UBE4B: variants seen among roughly 807,000 people sequenced by gnomAD.
UBE4B encodes the protein ubiquitin conjugation factor E4 B.
A neutral mutation model predicts 148.1 loss-of-function variants in UBE4B; 27 were observed. The ratio of observed to expected loss-of-function variants is 0.18; its 90% CI spans 0.13 to 0.25. The LOEUF is 0.25. Ranked by LOEUF, UBE4B falls within the 10% of genes least tolerant of loss-of-function variation. The probability of loss-of-function intolerance (pLI) is 1.00; values close to 1 mark genes in which losing one functional copy is unlikely to be tolerated. For missense variants in UBE4B, 1,170 were observed against 1,662.4 expected (o/e 0.70, Z 5.15); for synonymous variants, 596 against 619.3 (o/e 0.96, Z 0.56).
intron 2 of UBE4B, 195 bp downstream of exon 2, chr1:10,072,409 A>G (rs1474198007): frequency 1.4e-6 from 1 of 718,364 alleles, no homozygotes; most frequent in South Asian, 1.7e-5. Context: ...TGTTAAACCA[A>G]TTGCTTTTCT....
chr1:10,058,673 G>GT (rs142864591), intron 1 of UBE4B: 6,640 of 152,542 alleles, frequency 0.044, 208 homozygotes, highest in African/African-American at 0.086. Flanking sequence ...CCTGCAGGTG[G>GT]GCAAGGGTGC....
intron 2 of UBE4B, 163 bp downstream of exon 2, chr1:10,072,377 C>A: frequency 2.3e-6 from 2 of 851,306 alleles, no homozygotes; most frequent in Non-Finnish European, 3.6e-6. Flanking sequence ...GTTGTGTTAT[C>A]GCTTTTTTTT....
chr1:10,156,847 C>CA (rs763969303), intron 21 of UBE4B, among the ~76,000 whole-genome samples: 14 of 151,758 alleles, frequency 9.2e-5, no homozygotes, highest in South Asian at 2.1e-4. Flanking sequence ...TGGTCACACA[C>CA]AAAAAAATGT....
chr1:10,176,319 G>A (rs763236079), intron 25 of UBE4B, among the ~76,000 whole-genome samples: 1 of 152,162 alleles, frequency 6.6e-6, no homozygotes, highest in Non-Finnish European at 1.5e-5. Context: ...TTGTGTAAAA[G>A]TATTTAAACA....
chr1:10,059,358 T>A, intron 1 of UBE4B: 1 of 185,718 alleles, frequency 5.4e-6, no homozygotes. Context: ...TCTGTAAGAG[T>A]CTGAAGGACA....
At chr1:10,083,360 G>A (rs898418272) in intron 2 of UBE4B, among the ~76,000 whole-genome samples, 2 of 152,140 alleles carry the variant, frequency 1.3e-5, no homozygotes, top group Non-Finnish European at 2.9e-5. Flanking sequence ...GGCTAGAGCA[G>A]TCATCTTCAA....
chr1:10,102,470 G>C (rs1038259471), intron 4 of UBE4B, among the ~76,000 whole-genome samples: 7 of 129,360 alleles, frequency 5.4e-5, no homozygotes, highest in Admixed American at 2.0e-4. Flanking sequence ...GAGTGCAATG[G>C]CGTGATCTTG....
chr1:10,043,101 G>A (rs997243933), intron 1 of UBE4B, among the ~76,000 whole-genome samples: 2 of 151,090 alleles, frequency 1.3e-5, no homozygotes, highest in African/African-American at 2.4e-5. Context: ...CCTCCGCCTC[G>A]GGGGTTCAAG....
chr1:10,125,657 A>G (rs1645481183), intron 10 of UBE4B, among the ~76,000 whole-genome samples: 1 of 152,230 alleles, frequency 6.6e-6, no homozygotes. Flanking sequence ...CAACATTTCT[A>G]TTTAATGTTA....
chr1:10,112,036 A>G (rs1469843446), intron 7 of UBE4B, among the ~76,000 whole-genome samples: 3 of 152,210 alleles, frequency 2.0e-5, no homozygotes, highest in African/African-American at 7.2e-5. Context: ...ATTATAGAAG[A>G]AACTGAAACA....
intron 2 of UBE4B, among the ~76,000 whole-genome samples, chr1:10,080,457 G>A (rs1288106241): frequency 1.3e-5 from 2 of 151,766 alleles, no homozygotes; most frequent in African/African-American, 4.8e-5. Flanking sequence ...AAAATTCTAT[G>A]TTGGTGAGAG....
intron 24 of UBE4B, chr1:10,170,918 G>T: frequency 2.5e-6 from 1 of 399,546 alleles, no homozygotes. Context: ...TATTTCATCA[G>T]CCTGCAACAT....
chr1:10,044,401 T>C (rs1643874327), intron 1 of UBE4B, among the ~76,000 whole-genome samples: 1 of 152,046 alleles, frequency 6.6e-6, no homozygotes, highest in South Asian at 2.1e-4. Flanking sequence ...ATTAGGGCAG[T>C]GGTCCCCAAC....
chr1:10,148,380 C>G (rs1217628299), intron 19 of UBE4B, among the ~76,000 whole-genome samples: 1 of 152,068 alleles, frequency 6.6e-6, no homozygotes, highest in Non-Finnish European at 1.5e-5. Context: ...GTCTGTAATC[C>G]CAGTACTTTG....
At chr1:10,079,766 A>G (rs1157182917) in intron 2 of UBE4B, among the ~76,000 whole-genome samples, 1 of 152,196 alleles carries the variant, frequency 6.6e-6, no homozygotes, top group African/African-American at 2.4e-5. Flanking sequence ...GATCAGAAAC[A>G]GAATTTGTTT....
chr1:10,119,990 G>A (rs79153118), intron 9 of UBE4B, among the ~76,000 whole-genome samples: 270 of 143,020 alleles, frequency 1.9e-3, no homozygotes, highest in African/African-American at 6.3e-3. Context: ...GTATAACACG[G>A]TCAATTTCTG....
intron 2 of UBE4B, among the ~76,000 whole-genome samples, chr1:10,087,337 G>A (rs1049683398): frequency 1.3e-5 from 2 of 152,166 alleles, no homozygotes; most frequent in Admixed American, 6.6e-5. Context: ...GTACAGAAAA[G>A]TTATGAAGAT....
intron 17 of UBE4B, among the ~76,000 whole-genome samples, chr1:10,142,220 T>C (rs1050333720): frequency 2.6e-5 from 4 of 152,230 alleles, no homozygotes; most frequent in Admixed American, 1.3e-4. Flanking sequence ...AAAGAACTGA[T>C]CCCAGAGCCC....
At chr1:10,054,730 ATT>A (rs910159091) in intron 1 of UBE4B, 4 of 228,692 alleles carry the variant, frequency 1.7e-5, no homozygotes, top group African/African-American at 7.4e-5. Flanking sequence ...CTTGCGGGGC[ATT>A]TTTTTTGGAA....
Sources: gnomAD v4.1 joint callset for allele counts (sites outside exome capture counted in the v4.1 genomes callset) on GRCh38, gnomAD v4.1.1 for gene constraint, MANE v1.5 for transcripts, NCBI Gene and HGNC (gene_info 2026-07-23, HGNC 2026-07-21) for gene names.